Variants in PTPRN2 observed in about 807,000 individuals in gnomAD.
PTPRN2 encodes the protein protein tyrosine phosphatase receptor type N2, also known as receptor-type tyrosine-protein phosphatase N2.
PTPRN2 carries 74 observed loss-of-function variants against 118.8 expected under a neutral mutation model. The ratio of observed to expected loss-of-function variants is 0.62; its 90% CI spans 0.52 to 0.76. The LOEUF is 0.76. Ranked by LOEUF, PTPRN2 falls within the 30% of genes least tolerant of loss-of-function variation. PTPRN2 has a pLI of 0.00. For missense variants in PTPRN2, 1,481 were observed against 1,394.4 expected (o/e 1.06, Z -0.99); for synonymous variants, 641 against 608.0 (o/e 1.05, Z -0.80).
chr7:157,744,429 G>A (rs984256877), intron 12 of PTPRN2, among the ~76,000 whole-genome samples: 6 of 152,200 alleles, frequency 3.9e-5, no homozygotes, highest in East Asian at 1.9e-4. Context: ...GCATCGGGCC[G>A]TGATGTGCCG....
At chr7:157,571,557 C>A in intron 19 of PTPRN2, 64 bp from the exon 20 acceptor site, 1 of 1,263,036 alleles carries the variant, frequency 7.9e-7, no homozygotes. Context: ...TCCAAAACAA[C>A]TATTAAAACA....
intron 12 of PTPRN2, among the ~76,000 whole-genome samples, chr7:157,689,992 C>G (rs915633396): frequency 1.3e-5 from 2 of 152,228 alleles, no homozygotes; most frequent in Non-Finnish European, 2.9e-5. Flanking sequence ...CGCCCCTTCC[C>G]TCCTCCTTTC....
intron 3 of PTPRN2, among the ~76,000 whole-genome samples, chr7:158,304,407 G>A (rs539548256): frequency 4.0e-5 from 6 of 151,118 alleles, no homozygotes; most frequent in South Asian, 4.2e-4. Flanking sequence ...ATGCTAAGAC[G>A]TACACAGGCT....
chr7:157,902,538 C>T lies in PTPRN2; in HGVS notation c.1724-3801G>A, dbSNP rs1356678440. The stretch of plus-strand genomic sequence containing the variant: ...CAGCCCCGTGGTGGCCTGGAGAGCA[C>T]GTGGGGACCAGCCCCGCGGTGGTCT... On this transcript the variant is annotated intron_variant, in intron 11 of 22. Transcript: ENST00000389418. Among the ~76,000 whole-genome samples, 9 of 136,950 alleles carry T rather than the reference C, an allele frequency of 6.6e-5. No individual in the cohort carries two copies. The South Asian group carries it at 1.7e-3, about 26-fold the overall frequency. The allele number at this position is 136,950 out of a possible 152,430, so 89.8% of individuals were successfully genotyped here. A position where few individuals can be genotyped will look rare whatever the true frequency, so the allele number is the denominator to read the frequency against.
Position 158,509,482 on chromosome 7 carries a change from G to A in PTPRN2, c.113-19697C>T, listed in dbSNP as rs1347081839. On this transcript the variant is annotated intron_variant, in intron 1 of 22. Coordinates refer to ENST00000389418, the MANE Select transcript of PTPRN2 (RefSeq NM_002847.5). This position sits in a 1 kb window ranked among gnomAD's most constrained non-coding sequence, Gnocchi z 4.4. ...TCAAGTCTGCCATTCAGGCCACACTGGGACTTGGTGTCCAGTCCTCATCTC... is the reference window on the plus strand; with the variant it reads ...TCAAGTCTGCCATTCAGGCCACACTAGGACTTGGTGTCCAGTCCTCATCTC... 6.6e-6 allele frequency among the ~76,000 whole-genome samples: 1 copy of A among 152,204 alleles called. No homozygotes were observed. The highest frequency in any genetic ancestry group is 6.5e-5 in the Admixed American group (1 of 15,286).
intron 11 of PTPRN2, among the ~76,000 whole-genome samples, chr7:157,905,292 C>T (rs1216939853): frequency 6.6e-6 from 1 of 152,162 alleles, no homozygotes. Flanking sequence ...GAAGAAAAAG[C>T]CTGCTTCAGC....
At chr7:158,158,096 T>C (rs532209580) in intron 6 of PTPRN2, among the ~76,000 whole-genome samples, 5 of 152,286 alleles carry the variant, frequency 3.3e-5, no homozygotes, top group South Asian at 4.1e-4. Context: ...TGCTTGGGTT[T>C]AGAGCACTGA....
At chr7:157,870,644 CAT>C (rs1810991728) in intron 12 of PTPRN2, among the ~76,000 whole-genome samples, 1 of 152,218 alleles carries the variant, frequency 6.6e-6, no homozygotes, top group Admixed American at 6.5e-5. Context: ...GAAATCCATG[CAT>C]AGTTTTCCAT....
At chr7:157,704,685 C>T (rs959715334) in intron 12 of PTPRN2, among the ~76,000 whole-genome samples, 6 of 152,160 alleles carry the variant, frequency 3.9e-5, no homozygotes, top group African/African-American at 1.4e-4. Flanking sequence ...CTGAGGAAGC[C>T]CCAGGACAGA....
At chr7:158,543,973 A>T (rs1406718169) in intron 1 of PTPRN2, among the ~76,000 whole-genome samples, 1 of 152,224 alleles carries the variant, frequency 6.6e-6, no homozygotes. Flanking sequence ...TCCTCCCTCC[A>T]AAGGGTCCAA....
intron 14 of PTPRN2, among the ~76,000 whole-genome samples, chr7:157,649,127 A>G (rs1234036110): frequency 3.8e-4 from 49 of 127,494 alleles, no homozygotes; most frequent in Non-Finnish European, 7.1e-4. Context: ...TTCACTGTGC[A>G]CTGAACTCGG....
At chr7:158,407,480 GGTCCTGGGTCCTGGGTCCTGC>G (rs1813654719) in intron 2 of PTPRN2, among the ~76,000 whole-genome samples, 1 of 8,542 alleles carries the variant, frequency 1.2e-4, no homozygotes, top group South Asian at 4.3e-3. Flanking sequence ...CTGCGTCCTG[GGTCCTGGGTCCTGGGTCCTGC>G]GTCCTGGGTC....
intron 12 of PTPRN2, among the ~76,000 whole-genome samples, chr7:157,743,402 T>G (rs1800747864): frequency 6.6e-6 from 1 of 152,206 alleles, no homozygotes; most frequent in South Asian, 2.1e-4. Flanking sequence ...TGCGGCGGGC[T>G]ATGCTTAGGG....
chr7:157,772,812 C>T (rs1182440490), intron 12 of PTPRN2, among the ~76,000 whole-genome samples: 1 of 152,238 alleles, frequency 6.6e-6, no homozygotes, highest in Non-Finnish European at 1.5e-5. Flanking sequence ...CTTCTTTCTT[C>T]TCTGGCCTCT....
intron 10 of PTPRN2, among the ~76,000 whole-genome samples, chr7:158,104,343 G>A (rs1815490065): frequency 6.6e-6 from 1 of 152,186 alleles, no homozygotes; most frequent in African/African-American, 2.4e-5. Flanking sequence ...GGCCCTGGAA[G>A]ACACATAAGA....
At chr7:158,299,496 C>T (rs1377188256) in intron 3 of PTPRN2, among the ~76,000 whole-genome samples, 2 of 152,138 alleles carry the variant, frequency 1.3e-5, no homozygotes, top group African/African-American at 4.8e-5. Flanking sequence ...TGGGGTTTCA[C>T]CATGTTGGCC....
chr7:157,563,326 AC>A (rs1442668686), intron 21 of PTPRN2, among the ~76,000 whole-genome samples: 3 of 129,768 alleles, frequency 2.3e-5, no homozygotes, highest in African/African-American at 3.0e-5. Context: ...GCATCACCAC[AC>A]CACATGCAGC....
chr7:157,866,051 T>A (rs1419349763), intron 12 of PTPRN2: 1 of 152,242 alleles, frequency 6.6e-6, no homozygotes, highest in Admixed American at 6.5e-5. Context: ...CAAGGACCTT[T>A]CCCTTTTGTG....
chr7:158,230,407 G>A (rs1829085484), intron 3 of PTPRN2, among the ~76,000 whole-genome samples: 1 of 152,184 alleles, frequency 6.6e-6, no homozygotes, highest in Non-Finnish European at 1.5e-5. Flanking sequence ...ACCGTAGAAT[G>A]AAGCCCAAAA....
Sources: gnomAD v4.1 joint callset for allele counts (sites outside exome capture counted in the v4.1 genomes callset) on GRCh38, gnomAD v4.1.1 for gene constraint, Gnocchi (gnomAD v3.1) non-coding constraint, MANE v1.5 for transcripts, NCBI Gene and HGNC (gene_info 2026-07-23, HGNC 2026-07-21) for gene names.